Variants in CLVS1 observed in about 807,000 individuals in gnomAD.
CLVS1 encodes the protein clavesin-1.
CLVS1 carries 10 observed loss-of-function variants against 33.1 expected under a neutral mutation model. That is an observed-to-expected ratio of 0.30 (90% confidence interval 0.19 to 0.51). The LOEUF is 0.51. Among genes scored for constraint, CLVS1 ranks in the 20% least tolerant of loss-of-function variants. The pLI, the probability that CLVS1 is intolerant of heterozygous loss-of-function variation, is 0.97. For missense variants in CLVS1, 343 were observed against 433.4 expected (o/e 0.79, Z 1.85); for synonymous variants, 163 against 166.1 (o/e 0.98, Z 0.14).
intron 2 of CLVS1, among the ~76,000 whole-genome samples, chr8:61,183,808 G>A (rs2129301132): frequency 6.6e-6 from 1 of 152,258 alleles, no homozygotes; most frequent in Non-Finnish European, 1.5e-5. Flanking sequence ...GTAAGTAGAA[G>A]CCACTCACAG....
intron 2 of CLVS1, among the ~76,000 whole-genome samples, chr8:61,369,100 G>A (rs1455572836): frequency 6.6e-6 from 1 of 150,738 alleles, no homozygotes; most frequent in Non-Finnish European, 1.5e-5. Context: ...GAGAATATGA[G>A]CCTCATCAAG....
chr8:61,254,944 A>G (rs1809044307), intron 2 of CLVS1, among the ~76,000 whole-genome samples: 1 of 152,118 alleles, frequency 6.6e-6, no homozygotes, highest in South Asian at 2.1e-4. Context: ...CCCCAGTGAG[A>G]TGCACCCAGT....
intron 1 of CLVS1, among the ~76,000 whole-genome samples, chr8:61,119,185 G>C (rs1433061838): frequency 1.3e-5 from 2 of 152,138 alleles, no homozygotes; most frequent in Non-Finnish European, 2.9e-5. Context: ...TCAGAGACTA[G>C]GATGGCAACC....
At chr8:61,210,257 C>T (rs775233706) in intron 2 of CLVS1, among the ~76,000 whole-genome samples, 1 of 152,176 alleles carries the variant, frequency 6.6e-6, no homozygotes, top group Admixed American at 6.5e-5. Context: ...AAGGAGTACT[C>T]TCCTATTTCT....
At chr8:61,336,507 C>G (rs1247691154) in intron 2 of CLVS1, among the ~76,000 whole-genome samples, 1 of 152,074 alleles carries the variant, frequency 6.6e-6, no homozygotes, top group African/African-American at 2.4e-5. Context: ...GCCCGGCACC[C>G]TGGGTGGTAC....
At chr8:61,045,889 C>A in the CLVS1 span, among the ~76,000 whole-genome samples, 1 of 152,248 alleles carries the variant, frequency 6.6e-6, no homozygotes, top group South Asian at 2.1e-4. Flanking sequence ...TGGATATTAG[C>A]CCTTTGTCAG....
At chr8:61,197,280 T>C (rs938365090) in intron 2 of CLVS1, among the ~76,000 whole-genome samples, 2 of 152,212 alleles carry the variant, frequency 1.3e-5, no homozygotes, top group African/African-American at 4.8e-5. Flanking sequence ...TTGAAGAGAC[T>C]GTCTTCTCCC....
intron 1 of CLVS1, among the ~76,000 whole-genome samples, chr8:61,075,705 C>T (rs1035753461): frequency 1.3e-5 from 2 of 152,192 alleles, no homozygotes; most frequent in African/African-American, 4.8e-5. Flanking sequence ...TTTTACGTTT[C>T]CTCCTCTGTC....
intron 2 of CLVS1, among the ~76,000 whole-genome samples, chr8:61,269,157 C>T (rs1363603155): frequency 7.4e-5 from 11 of 149,088 alleles, no homozygotes; most frequent in Non-Finnish European, 1.3e-4. Flanking sequence ...TTAGGTCTAA[C>T]GTTTAAGTCT....
At chr8:61,178,869 C>CCACCACTG (rs1235764112) in intron 2 of CLVS1, among the ~76,000 whole-genome samples, 6 of 152,222 alleles carry the variant, frequency 3.9e-5, no homozygotes, top group Non-Finnish European at 7.4e-5. Context: ...AAAGGAAAAA[C>CCACCACTG]CAGTATCCAC....
At position 61,500,205 on chromosome 8, in the gene CLVS1, A is replaced by AAAG. The variant is rs1804560241; in HGVS notation, c.*664_*666dup. On this transcript the variant is annotated 3_prime_UTR_variant, in exon 6 of 6. Transcript: ENST00000325897. ...TAGCTGACTGTCATGAGCTGACGTT[A>AAAG]AAGGAAGACACATGGACGTGAAATA... The AAAG allele has an allele frequency of 6.6e-6, 1 of 152,502 alleles. No homozygotes were observed. The highest frequency in any genetic ancestry group is 1.5e-5 in the Non-Finnish European group (1 of 68,050). 9.4% of individuals were successfully genotyped at this position (152,502 alleles called of 1,614,324 possible).
intron 2 of CLVS1, 38 bp from the exon 3 acceptor site, chr8:61,376,567 A>C: frequency 6.3e-7 from 1 of 1,595,192 alleles, no homozygotes; most frequent in Non-Finnish European, 8.6e-7. Flanking sequence ...TCACCTGCTC[A>C]TATTCACACA....
the CLVS1 span, among the ~76,000 whole-genome samples, chr8:61,003,525 C>A: frequency 1.3e-5 from 2 of 152,142 alleles, no homozygotes; most frequent in African/African-American, 4.8e-5. Context: ...GAAGCCACTG[C>A]AAGGATAACT....
chr8:61,033,063 GAAAGAAA>G, the CLVS1 span, among the ~76,000 whole-genome samples: 4 of 128,064 alleles, frequency 3.1e-5, no homozygotes, highest in Non-Finnish European at 3.4e-5. Context: ...AAGAAAGATA[GAAAGAAA>G]GAAGGAAGGA....
the CLVS1 span, among the ~76,000 whole-genome samples, chr8:61,000,182 T>C: frequency 3.3e-5 from 5 of 152,348 alleles, no homozygotes; most frequent in African/African-American, 7.2e-5. Flanking sequence ...TTGGTTCAAA[T>C]TGGAAGTTAA....
chr8:61,130,355 C>T (rs1023307624), intron 1 of CLVS1, among the ~76,000 whole-genome samples: 3 of 152,102 alleles, frequency 2.0e-5, no homozygotes, highest in Admixed American at 1.3e-4. Context: ...TATTCCGTGA[C>T]ATCTCCTGAG....
chr8:61,156,762 C>T lies in CLVS1; in HGVS notation c.-152+24902C>T, dbSNP rs144335611. Among the ~76,000 whole-genome samples the T allele has an allele frequency of 1.4e-4, 22 of 152,232 alleles. No individual in the cohort carries two copies. The East Asian group carries it at 4.0e-3, about 28-fold the overall frequency. On this transcript the variant is annotated intron_variant, in intron 2 of 2. Transcript: ENST00000522621. ...ATGTCAACTTACCTGTGATAAAAAT[C>T]ACTGTAGAGTTTATGAAGGGGAAAT...
At chr8:60,991,591 G>A in the CLVS1 span, among the ~76,000 whole-genome samples, 15 of 152,064 alleles carry the variant, frequency 9.9e-5, no homozygotes, top group Non-Finnish European at 1.8e-4. Flanking sequence ...GTGTCCTCTT[G>A]TCTCGTGCCT....
chr8:61,494,243 T>G (rs1016130996), intron 5 of CLVS1, among the ~76,000 whole-genome samples: 7 of 151,824 alleles, frequency 4.6e-5, no homozygotes, highest in Non-Finnish European at 7.4e-5. Context: ...GTTCCAATTT[T>G]GGGGAAGAAA....
Sources: allele counts gnomAD v4.1 joint callset (sites outside exome capture counted in the v4.1 genomes callset), GRCh38; gene constraint gnomAD v4.1.1; transcripts MANE v1.5; gene names NCBI Gene and HGNC (gene_info 2026-07-23, HGNC 2026-07-21).